The following NEXMIF variants were observed in gnomAD, a reference collection of about 807,000 sequenced individuals.
NEXMIF encodes the protein XLMR protein related to neurite extension.
NEXMIF carries 8 observed loss-of-function variants against 62.1 expected under a neutral mutation model. The observed-to-expected ratio is 0.13, with a 90% CI of 0.08 to 0.23. NEXMIF has a LOEUF of 0.23. Ranked by LOEUF, NEXMIF falls within the 10% of genes least tolerant of loss-of-function variation. The pLI, the probability that NEXMIF is intolerant of heterozygous loss-of-function variation, is 1.00. For synonymous variants in NEXMIF, 404 were observed against 416.6 expected, an observed-to-expected ratio of 0.97 and a Z score of 0.37; for missense variants, 976 against 1,113.3, an observed-to-expected ratio of 0.88 and a Z score of 1.75.
chrX:74,819,004 G>A (rs2080385508), intron 1 of NEXMIF, among the ~76,000 whole-genome samples: 1 of 111,783 alleles, frequency 8.9e-6, no homozygotes, highest in South Asian at 3.7e-4. Context: ...CAACGGAACA[G>A]AACAGAGGCC....
Position 74,737,340 on chromosome X carries a change from G to C in NEXMIF, c.*2065C>G, listed in dbSNP as rs993870937. On this transcript the variant is annotated 3_prime_UTR_variant, in exon 4 of 4. Coordinates refer to ENST00000055682, the MANE Select transcript of NEXMIF (RefSeq NM_001008537.3). ...AGCTAGCTATCAGAATAGAGAAATA[G>C]AAGAAGGTTTTCCAGTTTGGTTATT... 1.8e-5 allele frequency: 2 copies of C among 111,854 alleles called. No individual in the cohort carries two copies. The highest frequency in any genetic ancestry group is 3.8e-5 in the Non-Finnish European group (2 of 53,169). The allele number at this position is 111,854 out of a possible 1,213,427, so 9.2% of individuals were successfully genotyped here. A position where few individuals can be genotyped will look rare whatever the true frequency, so the allele number is the denominator to read the frequency against.
At chrX:74,770,932 T>C (rs1171306636) in intron 1 of NEXMIF, among the ~76,000 whole-genome samples, 1 of 111,933 alleles carries the variant, frequency 8.9e-6, no homozygotes, top group East Asian at 2.8e-4. Flanking sequence ...TCATCAAAGA[T>C]TAAATTGTTG....
rs528390672 is a variant in NEXMIF at position 74,742,775 on chromosome X, C to T, written c.1782G>A (p.Gln594=). Residue 594 remains glutamine (Q), a synonymous_variant, in exon 3 of 4, where the codon CAG becomes CAA. Coordinates refer to ENST00000055682, the MANE Select transcript of NEXMIF (RefSeq NM_001008537.3). ...TGATGGAGTCCGTGTTGGTGTTTCT[C>T]TGCTTCTTCTTCTTTTGCCAGAAGC... ...LKGFWQKKKK[Q]RNTNTDSIKT... The T allele has an allele frequency of 1.7e-6, 2 of 1,209,554 alleles. No homozygotes were observed. Among genetic ancestry groups the T allele is most frequent in the East Asian group, 3.0e-5 (1 of 33,723 alleles).
At chrX:74,774,341 C>T (rs1049227958) in intron 1 of NEXMIF, among the ~76,000 whole-genome samples, 6 of 111,297 alleles carry the variant, frequency 5.4e-5, no homozygotes, top group Non-Finnish European at 1.1e-4. Context: ...CACCTTAGTA[C>T]GTGGCCCTGT....
chrX:74,882,846 T>C (rs1364382515), intron 1 of NEXMIF, among the ~76,000 whole-genome samples: 1 of 112,358 alleles, frequency 8.9e-6, no homozygotes, highest in Admixed American at 9.4e-5. Flanking sequence ...GCAGACTGCC[T>C]CCTCAAGTGG....
chrX:74,787,332 T>C (rs1041348470), intron 1 of NEXMIF, among the ~76,000 whole-genome samples: 1 of 109,661 alleles, frequency 9.1e-6, no homozygotes, highest in Non-Finnish European at 1.9e-5. Flanking sequence ...AATGACAGTG[T>C]CCCTTCTCTA....
At position 74,741,336 on chromosome X, in the gene NEXMIF, G is replaced by A. The variant is rs1346251253; in HGVS notation, c.3221C>T (p.Pro1074Leu). Residue 1074 changes from proline to leucine, a missense_variant, in exon 3 of 4, where the codon CCG becomes CTG. By Grantham distance (98) the Pro-to-Leu change is moderately conservative. This residue lies in a region of NEXMIF where 639 missense variants were observed against 694.5 expected (regional missense o/e 0.92). Transcript: ENST00000055682. ...TTGAGGGGAAAGACTAGGGGTGTCC[G>A]GTGGGGACATCTCTGAAAGGGAAGA... ...RHSSLSEMSP[P>L]DTPSLSPQIT... 8 of 1,209,019 alleles carry A rather than the reference G, an allele frequency of 6.6e-6. No homozygotes were observed. The highest frequency in any genetic ancestry group is 2.3e-4 in the Middle Eastern group (1 of 4,367).
chrX:74,908,086 C>T (rs1310976510), intron 1 of NEXMIF, among the ~76,000 whole-genome samples: 1 of 111,583 alleles, frequency 9.0e-6, no homozygotes, highest in Non-Finnish European at 1.9e-5. Flanking sequence ...TGGAACAGAG[C>T]CTCCTAGAGG....
intron 1 of NEXMIF, among the ~76,000 whole-genome samples, chrX:74,756,028 ACCATAC>A: frequency 9.0e-6 from 1 of 111,523 alleles, no homozygotes; most frequent in African/African-American, 3.3e-5. Context: ...GGCACGTGCC[ACCATAC>A]CCGACTAATT....
intron 1 of NEXMIF, among the ~76,000 whole-genome samples, chrX:74,759,566 A>G (rs1174580780): frequency 8.9e-6 from 1 of 111,928 alleles, no homozygotes; most frequent in East Asian, 2.8e-4. Context: ...ATTTTTGTAT[A>G]TGGTGTAAAG....
intron 1 of NEXMIF, among the ~76,000 whole-genome samples, chrX:74,865,838 G>C (rs960834069): frequency 4.5e-5 from 5 of 111,963 alleles, no homozygotes; most frequent in African/African-American, 1.6e-4. Context: ...AGAAGTTCAA[G>C]GATTGAGGTT....
intron 1 of NEXMIF, among the ~76,000 whole-genome samples, chrX:74,901,380 A>T (rs770398202): frequency 8.6e-4 from 96 of 111,948 alleles, no homozygotes; most frequent in Non-Finnish European, 1.2e-3. Context: ...GTGAGGTTTA[A>T]TGATAAACAT....
intron 1 of NEXMIF, among the ~76,000 whole-genome samples, chrX:74,833,547 T>C (rs2080446074): frequency 8.9e-6 from 1 of 112,079 alleles, no homozygotes; most frequent in South Asian, 3.7e-4. Flanking sequence ...TTTATATCTT[T>C]TGATTGGACA....
chrX:74,904,685 C>A (rs2080761083), intron 1 of NEXMIF, among the ~76,000 whole-genome samples: 1 of 111,228 alleles, frequency 9.0e-6, no homozygotes, highest in African/African-American at 3.3e-5. Context: ...AATTGCAGTT[C>A]TAGGTTTCCT....
intron 1 of NEXMIF, among the ~76,000 whole-genome samples, chrX:74,788,529 G>A (rs762319436): frequency 6.3e-5 from 7 of 111,017 alleles, no homozygotes; most frequent in Non-Finnish European, 1.1e-4. Context: ...ATAGATGGCT[G>A]GCATTAGAAC....
chrX:74,762,007 G>A (rs1470001103), intron 1 of NEXMIF, among the ~76,000 whole-genome samples: 1 of 110,396 alleles, frequency 9.1e-6, no homozygotes, highest in Non-Finnish European at 1.9e-5. Context: ...GGGTACATGT[G>A]CACAACGTGC....
Position 74,736,639 on chromosome X carries a change from G to A in NEXMIF, c.*2766C>T, listed in dbSNP as rs892055289. On this transcript the variant is annotated 3_prime_UTR_variant, in exon 4 of 4. Coordinates refer to ENST00000055682, the MANE Select transcript of NEXMIF (RefSeq NM_001008537.3). The stretch of plus-strand genomic sequence containing the variant: ...CAGGACCAACAAAATGCTAAATGAT[G>A]AACATCTCAGAACACAATGTACTGA... 5.4e-5 allele frequency: 6 copies of A among 111,555 alleles called. No homozygotes were observed. The highest frequency in any genetic ancestry group is 1.1e-4 in the Non-Finnish European group (6 of 53,044). The allele number at this position is 111,555 out of a possible 1,213,427, so 9.2% of individuals were successfully genotyped here. A position where few individuals can be genotyped will look rare whatever the true frequency, so the allele number is the denominator to read the frequency against.
At chrX:74,865,092 C>A (rs1246471083) in intron 1 of NEXMIF, among the ~76,000 whole-genome samples, 2 of 111,677 alleles carry the variant, frequency 1.8e-5, no homozygotes, top group Admixed American at 9.5e-5. Flanking sequence ...TATTAAGATA[C>A]CTGAAAATGT....
intron 1 of NEXMIF, among the ~76,000 whole-genome samples, chrX:74,916,215 G>T (rs921483544): frequency 1.8e-5 from 2 of 111,665 alleles, no homozygotes; most frequent in Admixed American, 1.9e-4. Flanking sequence ...AGAATCACAG[G>T]GAAACAATCA....
Sources: gnomAD v4.1 joint callset for allele counts (sites outside exome capture counted in the v4.1 genomes callset) on GRCh38, gnomAD v4.1.1 for gene constraint, gnomAD v4.1.1 regional missense constraint, MANE v1.5 for transcripts, NCBI Gene and HGNC (gene_info 2026-07-23, HGNC 2026-07-21) for gene names.